KAZN: variants seen among roughly 807,000 people sequenced by gnomAD.
KAZN encodes kazrin, periplakin interacting protein.
KAZN carries 40 observed loss-of-function variants against 87.4 expected under a neutral mutation model. The observed-to-expected ratio is 0.46, with a 90% CI of 0.36 to 0.60. The LOEUF (loss-of-function observed/expected upper bound fraction) is 0.60, where lower values mean the gene tolerates loss of function less well. KAZN is among the 20% of genes least tolerant of loss of function. The pLI, the probability that KAZN is intolerant of heterozygous loss-of-function variation, is 0.00. For synonymous variants in KAZN, 466 were observed against 458.3 expected, an observed-to-expected ratio of 1.02 and a Z score of -0.22; for missense variants, 898 against 1,073.9, an observed-to-expected ratio of 0.84 and a Z score of 2.29.
intron 1 of KAZN, among the ~76,000 whole-genome samples, chr1:14,697,551 C>T (rs151007988): frequency 6.6e-6 from 1 of 152,298 alleles, no homozygotes; most frequent in African/African-American, 2.4e-5. Flanking sequence ...ATTCTCCTCT[C>T]TCATGGCTCT....
chr1:14,371,573 AAG>A (rs1262282268), intron 2 of KAZN, among the ~76,000 whole-genome samples: 1 of 149,338 alleles, frequency 6.7e-6, no homozygotes, highest in Non-Finnish European at 1.5e-5. Context: ...GTGTCTAAAG[AAG>A]AGAGTTTCTT....
At chr1:14,369,571 G>A (rs531334790) in intron 2 of KAZN, among the ~76,000 whole-genome samples, 7 of 152,308 alleles carry the variant, frequency 4.6e-5, no homozygotes, top group South Asian at 2.1e-4. Flanking sequence ...CAGACTGGAC[G>A]GGACCTTGTC....
chr1:14,394,675 C>A (rs567391538), intron 2 of KAZN, among the ~76,000 whole-genome samples: 1 of 152,330 alleles, frequency 6.6e-6, no homozygotes, highest in East Asian at 1.9e-4. Context: ...GTGATATTGT[C>A]ATTCTTTCCC....
At chr1:14,723,540 G>A (rs950257207) in intron 1 of KAZN, among the ~76,000 whole-genome samples, 3 of 152,208 alleles carry the variant, frequency 2.0e-5, no homozygotes, top group Non-Finnish European at 4.4e-5. Context: ...GCCACGATGG[G>A]GAATGAGGAA....
chr1:14,790,064 G>T (rs888804922), intron 1 of KAZN, among the ~76,000 whole-genome samples: 3 of 151,650 alleles, frequency 2.0e-5, no homozygotes, highest in Middle Eastern at 6.8e-3. Flanking sequence ...GTGCAATGGC[G>T]CAATCTTGAC....
intron 2 of KAZN, among the ~76,000 whole-genome samples, chr1:14,970,508 A>C (rs769522535): frequency 5.3e-5 from 8 of 152,200 alleles, no homozygotes; most frequent in Non-Finnish European, 1.2e-4. Flanking sequence ...CTTTTTATGC[A>C]GTAATTTTTT....
At chr1:14,388,687 C>T (rs1662162640) in intron 2 of KAZN, among the ~76,000 whole-genome samples, 1 of 152,068 alleles carries the variant, frequency 6.6e-6, no homozygotes, top group Non-Finnish European at 1.5e-5. Flanking sequence ...TAAAAATATA[C>T]AAAAATCAAA....
At chr1:14,445,477 A>G in intron 2 of KAZN, among the ~76,000 whole-genome samples, 1 of 152,170 alleles carries the variant, frequency 6.6e-6, no homozygotes, top group South Asian at 2.1e-4. Flanking sequence ...ACTGGGAGAG[A>G]GGCTGGAATT....
intron 1 of KAZN, among the ~76,000 whole-genome samples, chr1:14,782,991 C>T (rs1645401601): frequency 6.6e-6 from 1 of 152,096 alleles, no homozygotes; most frequent in Non-Finnish European, 1.5e-5. Flanking sequence ...GGACGTAGGT[C>T]TCATTTCCCT....
At chr1:14,510,767 G>T (rs1335082912) in intron 2 of KAZN, among the ~76,000 whole-genome samples, 1 of 152,150 alleles carries the variant, frequency 6.6e-6, no homozygotes, top group Non-Finnish European at 1.5e-5. Flanking sequence ...TTGGCTTAGG[G>T]GGTGGCTGTG....
rs185473117 is a variant in KAZN at position 15,099,844 on chromosome 1, G to A, written c.1548-1699G>A. Among the ~76,000 whole-genome samples the A allele has an allele frequency of 5.3e-5, 8 of 152,300 alleles. No individual in the cohort carries two copies. Among genetic ancestry groups the A allele is most frequent in the Admixed American group, 2.6e-4 (4 of 15,304 alleles). On this transcript the variant is annotated intron_variant, in intron 10 of 14. Coordinates refer to ENST00000376030, the MANE Select transcript of KAZN (RefSeq NM_201628.3). The surrounding 1 kb of genome is among the most constrained non-coding windows in gnomAD (Gnocchi z 5.4). ...AGTGGCAGAAACCCACACCAGAGACGCCTGCAGCTTAGAGCTGGGAAAGGA... is the reference window on the plus strand; with the variant it reads ...AGTGGCAGAAACCCACACCAGAGACACCTGCAGCTTAGAGCTGGGAAAGGA...
At chr1:14,115,754 AGGAAAATGT>A (rs59990443) in intron 1 of KAZN, among the ~76,000 whole-genome samples, 14,986 of 152,184 alleles carry the variant, frequency 0.098, 936 homozygotes, top group Middle Eastern at 0.17. Flanking sequence ...AGAAGAAGAC[AGGAAAATGT>A]GGAAAATTTG....
intron 1 of KAZN, among the ~76,000 whole-genome samples, chr1:14,658,271 G>A (rs1638926093): frequency 6.6e-6 from 1 of 152,202 alleles, no homozygotes; most frequent in Non-Finnish European, 1.5e-5. Flanking sequence ...GCCTAGTGAA[G>A]ATCATAACTA....
chr1:14,667,753 C>T (rs748809211), intron 1 of KAZN, among the ~76,000 whole-genome samples: 2 of 150,944 alleles, frequency 1.3e-5, no homozygotes, highest in East Asian at 3.9e-4. Context: ...GAAGTTGACC[C>T]GGATAACTGC....
intron 2 of KAZN, among the ~76,000 whole-genome samples, chr1:14,591,851 A>T (rs569048613): frequency 2.0e-5 from 3 of 152,202 alleles, no homozygotes; most frequent in African/African-American, 7.2e-5. Flanking sequence ...GAACGCATAG[A>T]TTTCCATCTT....
At chr1:14,195,270 G>A (rs1236104201) in intron 2 of KAZN, among the ~76,000 whole-genome samples, 1 of 152,064 alleles carries the variant, frequency 6.6e-6, no homozygotes, top group African/African-American at 2.4e-5. Flanking sequence ...CCAGAGCCCA[G>A]GAATTGGCAC....
At chr1:14,499,548 A>C (rs1041966032) in intron 2 of KAZN, among the ~76,000 whole-genome samples, 3 of 152,178 alleles carry the variant, frequency 2.0e-5, no homozygotes, top group African/African-American at 7.2e-5. Context: ...GCATTGTCTC[A>C]TTATCGATTG....
At chr1:14,334,035 A>G (rs1657041597) in intron 2 of KAZN, among the ~76,000 whole-genome samples, 1 of 151,914 alleles carries the variant, frequency 6.6e-6, no homozygotes, top group Admixed American at 6.6e-5. Flanking sequence ...AGGCATGGCC[A>G]TCACAAGGAC....
rs948500505 is a variant in KAZN, at chr1:14,729,237, G to A, written c.226+130014G>A. Among the ~76,000 whole-genome samples, 8 of 152,278 alleles carry A rather than the reference G, an allele frequency of 5.3e-5. No individual in the cohort carries two copies. In the East Asian group the frequency reaches 7.7e-4, roughly 15 times the overall value. On this transcript the variant is annotated intron_variant, in intron 1 of 14. Transcript: ENST00000376030. ...ATGGGGAAAAGGCCAGGCTGTCTTC[G>A]GCTTCACAGTGACCCAAAGAGACTT...
Sources: allele counts gnomAD v4.1 joint callset (sites outside exome capture counted in the v4.1 genomes callset), GRCh38; gene constraint gnomAD v4.1.1; non-coding constraint Gnocchi (gnomAD v3.1); transcripts MANE v1.5; gene names NCBI Gene and HGNC (gene_info 2026-07-23, HGNC 2026-07-21).